The following CSMD1 variants were observed in gnomAD, a reference collection of about 807,000 sequenced individuals.
CSMD1 encodes CUB and sushi domain-containing protein 1.
In CSMD1, 213 loss-of-function variants were observed where a neutral mutation model predicts 417.5. The observed-to-expected ratio is 0.51, with a 90% CI of 0.46 to 0.57. The LOEUF (loss-of-function observed/expected upper bound fraction) is 0.57. Ranked by LOEUF, CSMD1 falls within the 20% of genes least tolerant of loss-of-function variation. The pLI, the probability that CSMD1 is intolerant of heterozygous loss-of-function variation, is 0.00. For synonymous variants in CSMD1, 2,862 were observed against 1,736.8 expected, an observed-to-expected ratio of 1.65 and a Z score of -16.11; for missense variants, 6,923 against 4,529.7, an observed-to-expected ratio of 1.53 and a Z score of -15.17.
intron 5 of CSMD1, among the ~76,000 whole-genome samples, chr8:3,915,084 G>A (rs1265282868): frequency 6.6e-6 from 1 of 152,064 alleles, no homozygotes; most frequent in East Asian, 1.9e-4. Context: ...TTAGGGATCG[G>A]AAAAGCCCTA....
At chr8:4,808,702 C>T (rs756780734) in intron 1 of CSMD1, among the ~76,000 whole-genome samples, 15 of 152,152 alleles carry the variant, frequency 9.9e-5, no homozygotes, top group African/African-American at 3.4e-4. Context: ...AATCTACTGT[C>T]GCTTGAACAC....
chr8:3,321,534 C>T (rs17079945), intron 23 of CSMD1, among the ~76,000 whole-genome samples: 7,014 of 152,224 alleles, frequency 0.046, 229 homozygotes, highest in East Asian at 0.082. Flanking sequence ...TGCAAATACC[C>T]CATTACTTCG....
chr8:3,039,386 TC>T (rs1214305616), intron 50 of CSMD1, among the ~76,000 whole-genome samples: 1 of 148,532 alleles, frequency 6.7e-6, no homozygotes, highest in African/African-American at 2.5e-5. Context: ...CTTCCTTCCT[TC>T]CTTCCCCCTT....
chr8:4,688,549 A>T (rs946680451), intron 1 of CSMD1, among the ~76,000 whole-genome samples: 1 of 152,206 alleles, frequency 6.6e-6, no homozygotes, highest in Non-Finnish European at 1.5e-5. Flanking sequence ...ATGGCTCTTA[A>T]TTAAATGGTC....
chr8:4,312,924 G>A (rs73504653), intron 3 of CSMD1, among the ~76,000 whole-genome samples: 2,112 of 152,214 alleles, frequency 0.014, 45 homozygotes, highest in African/African-American at 0.049. Flanking sequence ...ACACTGATTG[G>A]CATAAATAAT....
chr8:3,981,693 GA>G (rs1319225369), intron 5 of CSMD1, among the ~76,000 whole-genome samples: 1 of 151,970 alleles, frequency 6.6e-6, no homozygotes, highest in Non-Finnish European at 1.5e-5. Flanking sequence ...GTGCCCCAAA[GA>G]AAGGCTCTTT....
intron 11 of CSMD1, among the ~76,000 whole-genome samples, chr8:3,482,990 G>A (rs1012900082): frequency 4.0e-5 from 6 of 151,894 alleles, no homozygotes; most frequent in Non-Finnish European, 7.4e-5. Context: ...AGTGCCAAGA[G>A]GAAAATTTAT....
intron 3 of CSMD1, among the ~76,000 whole-genome samples, chr8:4,393,817 A>G (rs966555190): frequency 4.6e-5 from 7 of 152,186 alleles, no homozygotes; most frequent in African/African-American, 1.4e-4. Flanking sequence ...ATATTTTCCT[A>G]TGTTTCTGTA....
At chr8:4,457,609 C>G (rs1326517188) in intron 2 of CSMD1, among the ~76,000 whole-genome samples, 1 of 151,968 alleles carries the variant, frequency 6.6e-6, no homozygotes, top group Non-Finnish European at 1.5e-5. Flanking sequence ...GCTACTTAAT[C>G]ATAATGGAGC....
At chr8:3,758,283 A>G (rs1022166943) in intron 5 of CSMD1, among the ~76,000 whole-genome samples, 4 of 152,214 alleles carry the variant, frequency 2.6e-5, no homozygotes, top group African/African-American at 9.7e-5. Context: ...TTCCTTTTAT[A>G]GAGAAGCAAG....
intron 1 of CSMD1, among the ~76,000 whole-genome samples, chr8:4,803,255 A>G (rs1585125189): frequency 1.3e-5 from 2 of 152,344 alleles, no homozygotes; most frequent in East Asian, 3.9e-4. Context: ...TTTATGGTTT[A>G]CTGAGAAATG....
intron 36 of CSMD1, among the ~76,000 whole-genome samples, chr8:3,183,884 T>G (rs966997480): frequency 3.3e-5 from 5 of 152,334 alleles, no homozygotes; most frequent in African/African-American, 9.6e-5. Context: ...GCAGGCAGCC[T>G]TATGTTAACC....
Position 3,777,542 on chromosome 8 carries a change from T to A in CSMD1, c.819-23500A>T, listed in dbSNP as rs1798958108. 5.3e-5 allele frequency among the ~76,000 whole-genome samples: 8 copies of A among 152,246 alleles called. 1 individual carries two copies. The South Asian group carries it at 1.7e-3, about 32-fold the overall frequency. On this transcript the variant is annotated intron_variant, in intron 5 of 69. Coordinates refer to ENST00000635120, the MANE Select transcript of CSMD1 (RefSeq NM_033225.6). ...TAAAATCCTACAGGACGGAGGGCTT[T>A]CTCCTCCAGGCTCCCTCTAGTCCAC...
chr8:4,516,519 T>A (rs1043390496), intron 2 of CSMD1, among the ~76,000 whole-genome samples: 1 of 151,768 alleles, frequency 6.6e-6, no homozygotes, highest in Non-Finnish European at 1.5e-5. Context: ...CCTTGGGGAG[T>A]TGATGTGCCA....
intron 3 of CSMD1, among the ~76,000 whole-genome samples, chr8:4,320,183 C>T (rs976938782): frequency 6.6e-6 from 1 of 152,060 alleles, no homozygotes; most frequent in African/African-American, 2.4e-5. Context: ...ATATCCAGCA[C>T]TTAACAAGGT....
At chr8:3,742,718 C>CAGAGAG (rs201388373) in intron 6 of CSMD1, among the ~76,000 whole-genome samples, 58 of 148,852 alleles carry the variant, frequency 3.9e-4, no homozygotes, top group African/African-American at 1.4e-3. Flanking sequence ...TGCATAGGAT[C>CAGAGAG]AGAGAGAGAG....
chr8:4,301,939 A>C (rs1254327731), intron 3 of CSMD1, among the ~76,000 whole-genome samples: 1 of 152,168 alleles, frequency 6.6e-6, no homozygotes, highest in Non-Finnish European at 1.5e-5. Flanking sequence ...GCTCTTTTCA[A>C]ACTAATGCCT....
chr8:4,636,325 TA>T (rs1473487523), intron 2 of CSMD1, among the ~76,000 whole-genome samples: 2 of 152,184 alleles, frequency 1.3e-5, no homozygotes, highest in African/African-American at 4.8e-5. Flanking sequence ...AAATATAATT[TA>T]AAAATGATAC....
intron 5 of CSMD1, among the ~76,000 whole-genome samples, chr8:3,877,499 A>C (rs950920077): frequency 6.6e-6 from 1 of 152,160 alleles, no homozygotes; most frequent in African/African-American, 2.4e-5. Context: ...CGAGGGAGGA[A>C]ATTTACTTAT....
Sources: gnomAD v4.1 joint callset for allele counts (sites outside exome capture counted in the v4.1 genomes callset) on GRCh38, gnomAD v4.1.1 for gene constraint, MANE v1.5 for transcripts, NCBI Gene and HGNC (gene_info 2026-07-23, HGNC 2026-07-21) for gene names.